Variants in GNAL observed in about 807,000 individuals in gnomAD.
GNAL encodes guanine nucleotide-binding protein G(olf) subunit alpha.
A neutral mutation model predicts 55.1 loss-of-function variants in GNAL; 18 were observed. The observed-to-expected ratio is 0.33, with a 90% CI of 0.23 to 0.48. GNAL has a LOEUF of 0.48. Among genes scored for constraint, GNAL ranks in the 20% least tolerant of loss-of-function variants. The probability of loss-of-function intolerance (pLI) is 0.99; values close to 1 mark genes in which losing one functional copy is unlikely to be tolerated. For synonymous variants in GNAL, 253 were observed against 237.0 expected (o/e 1.07, Z -0.62); for missense variants, 412 against 614.1 (o/e 0.67, Z 3.48).
At chr18:11,760,194 T>C (rs1027238648) in intron 4 of GNAL, among the ~76,000 whole-genome samples, 1 of 152,160 alleles carries the variant, frequency 6.6e-6, no homozygotes, top group Admixed American at 6.5e-5. Flanking sequence ...TATGATAGAA[T>C]CCTCTGAATC....
chr18:11,735,321 G>T (rs1317838572), intron 1 of GNAL, among the ~76,000 whole-genome samples: 1 of 152,046 alleles, frequency 6.6e-6, no homozygotes, highest in Non-Finnish European at 1.5e-5. Flanking sequence ...AAAGTGCTGG[G>T]ATTACTGGTG....
At chr18:11,775,816 CAG>C (rs1456944864) in intron 4 of GNAL, among the ~76,000 whole-genome samples, 1 of 152,082 alleles carries the variant, frequency 6.6e-6, no homozygotes, top group African/African-American at 2.4e-5. Context: ...CGTAAGAAGG[CAG>C]AGATGTATGG....
intron 4 of GNAL, among the ~76,000 whole-genome samples, chr18:11,795,661 C>T (rs1009875015): frequency 6.6e-6 from 1 of 152,154 alleles, no homozygotes; most frequent in Non-Finnish European, 1.5e-5. Context: ...TGCTTAGATA[C>T]TGAGCATGAT....
chr18:11,699,321 A>G (rs1598400507), intron 1 of GNAL, among the ~76,000 whole-genome samples: 1 of 151,688 alleles, frequency 6.6e-6, no homozygotes, highest in Non-Finnish European at 1.5e-5. Flanking sequence ...CAGCCTCCCA[A>G]GTAGCTAGGA....
At chr18:11,797,221 C>T (rs960698537) in intron 4 of GNAL, among the ~76,000 whole-genome samples, 1 of 152,164 alleles carries the variant, frequency 6.6e-6, no homozygotes, top group Non-Finnish European at 1.5e-5. Context: ...CGTGAGCCAC[C>T]GCACCCGGCC....
Position 11,869,230 on chromosome 18 carries a change from A to G in GNAL, c.1031+567A>G, listed in dbSNP as rs550775906. On this transcript the variant is annotated intron_variant, in intron 9 of 11. Transcript: ENST00000334049. ...GCCATCTCGGCCCACTGCAAGCTCC[A>G]CCTCCCGGGTTCATGCCATTCTCCT... Among the ~76,000 whole-genome samples the G allele has an allele frequency of 8.6e-5, 13 of 151,504 alleles. No individual in the cohort carries two copies. The South Asian group carries it at 1.3e-3, about 15-fold the overall frequency.
At chr18:11,841,658 A>G (rs1159703908) in intron 5 of GNAL, among the ~76,000 whole-genome samples, 3 of 151,650 alleles carry the variant, frequency 2.0e-5, no homozygotes, top group Non-Finnish European at 4.4e-5. Context: ...AAAAAAAAAA[A>G]AAAAGAAAGA....
intron 4 of GNAL, among the ~76,000 whole-genome samples, chr18:11,755,903 G>A (rs944919418): frequency 5.3e-5 from 8 of 152,154 alleles, no homozygotes; most frequent in African/African-American, 1.7e-4. Context: ...AGAACTACAT[G>A]GTCCTGGTTG....
chr18:11,808,818 A>G (rs1484075863), intron 4 of GNAL, among the ~76,000 whole-genome samples: 2 of 152,284 alleles, frequency 1.3e-5, no homozygotes, highest in Non-Finnish European at 2.9e-5. Flanking sequence ...CCGTTCGGCA[A>G]TAACAAGGAC....
chr18:11,749,074 T>C (rs2032754079), intron 1 of GNAL, among the ~76,000 whole-genome samples: 1 of 139,808 alleles, frequency 7.2e-6, no homozygotes, highest in African/African-American at 2.6e-5. Flanking sequence ...TGCAGTGAGC[T>C]GAGATCATGC....
chr18:11,742,989 A>G (rs1241837425), intron 1 of GNAL, among the ~76,000 whole-genome samples: 1 of 152,224 alleles, frequency 6.6e-6, no homozygotes, highest in Non-Finnish European at 1.5e-5. Flanking sequence ...GTAGGTAGCA[A>G]TATCCATGTG....
chr18:11,741,726 CTGG>C (rs2032580515), intron 1 of GNAL, among the ~76,000 whole-genome samples: 1 of 152,176 alleles, frequency 6.6e-6, no homozygotes, highest in Non-Finnish European at 1.5e-5. Context: ...TTGTCACCTG[CTGG>C]TGTAAAAGTA....
In GNAL at chr18:11,751,579, G is replaced by T. The variant is rs1403310428; in HGVS notation, c.377-1274G>T. 8.1e-6 allele frequency: 8 copies of T among 985,398 alleles called. No homozygotes were observed. Among genetic ancestry groups the T allele is most frequent in the Non-Finnish European group, 9.6e-6 (8 of 829,992 alleles). 61.0% of individuals were successfully genotyped at this position (985,398 alleles called of 1,614,324 possible). A position where few individuals can be genotyped will look rare whatever the true frequency, so the allele number is the denominator to read the frequency against. Reference sequence around the variant, plus strand: ...CTCCGCGAGTCTTCGCCCGCCAGGAGCAGGGACGCGTCCGAGCCAACACGG... The same window carrying T: ...CTCCGCGAGTCTTCGCCCGCCAGGATCAGGGACGCGTCCGAGCCAACACGG... On this transcript the variant is annotated intron_variant, in intron 1 of 11. Transcript: ENST00000334049. This position sits in a 1 kb window ranked among gnomAD's most constrained non-coding sequence, Gnocchi z 4.5.
intron 5 of GNAL, among the ~76,000 whole-genome samples, chr18:11,839,031 T>C (rs1373534427): frequency 6.6e-6 from 1 of 152,214 alleles, no homozygotes; most frequent in Non-Finnish European, 1.5e-5. Context: ...CTTTCAATAG[T>C]TGAACCACAT....
At chr18:11,737,804 A>G (rs1215491982) in intron 1 of GNAL, among the ~76,000 whole-genome samples, 1 of 152,212 alleles carries the variant, frequency 6.6e-6, no homozygotes, top group Non-Finnish European at 1.5e-5. Flanking sequence ...CTGGCAGAAA[A>G]CAAACAATCC....
At chr18:11,736,321 C>T (rs779023607) in intron 1 of GNAL, among the ~76,000 whole-genome samples, 3 of 152,082 alleles carry the variant, frequency 2.0e-5, no homozygotes, top group Admixed American at 6.6e-5. Flanking sequence ...CTTGAACCCA[C>T]GTGTTAGAGG....
At chr18:11,822,952 CTG>C (rs1424428636) in intron 4 of GNAL, among the ~76,000 whole-genome samples, 5 of 151,426 alleles carry the variant, frequency 3.3e-5, no homozygotes, top group East Asian at 1.9e-4. Flanking sequence ...TCTGTGGTTC[CTG>C]TGTTTGGATA....
intron 4 of GNAL, among the ~76,000 whole-genome samples, chr18:11,787,094 T>C (rs1438292805): frequency 2.0e-5 from 3 of 152,100 alleles, no homozygotes; most frequent in African/African-American, 7.2e-5. Flanking sequence ...ATAATAATAA[T>C]CTCTGTTCTA....
At position 11,868,578 on chromosome 18, in the gene GNAL, A is replaced by G; in HGVS notation, c.946A>G (p.Ser316Gly). 1 of 1,610,798 alleles carries G rather than the reference A, an allele frequency of 6.2e-7. No homozygotes were observed. Among genetic ancestry groups the G allele is most frequent in the South Asian group, 1.1e-5 (1 of 90,840 alleles). Residue 316 changes from serine (S) to glycine (G), a missense_variant, in exon 9 of 12, where the codon AGC becomes GGC. Physicochemically the swap from Ser to Gly is moderately conservative, Grantham distance 56. Transcript: ENST00000334049. This position sits in a 1 kb window ranked among gnomAD's most constrained non-coding sequence, Gnocchi z 4.0. ...TATCATTTACGTCGCAGCCTGCAGT[A>G]GCTACAACATGGTGATTCGAGAAGA... is the stretch of plus-strand genomic sequence containing the variant. ...TAIIYVAACSSYNMVIREDNN... is the reference protein window; with the variant it reads ...TAIIYVAACSGYNMVIREDNN...
Sources: gnomAD v4.1 joint callset for allele counts (sites outside exome capture counted in the v4.1 genomes callset) on GRCh38, gnomAD v4.1.1 for gene constraint, Gnocchi (gnomAD v3.1) non-coding constraint, MANE v1.5 for transcripts, NCBI Gene and HGNC (gene_info 2026-07-23, HGNC 2026-07-21) for gene names.